SLC22A9: variants seen among roughly 807,000 people sequenced by gnomAD.
The protein encoded by SLC22A9 is solute carrier family 22 member 9.
SLC22A9 carries 64 observed loss-of-function variants against 50.1 expected under a neutral mutation model. The ratio of observed to expected loss-of-function variants is 1.28; its 90% CI spans 1.04 to 1.57. The LOEUF is 1.57. SLC22A9 is among the 40% of genes most tolerant of loss of function. The pLI, the probability that SLC22A9 is intolerant of heterozygous loss-of-function variation, is 0.00. For missense variants in SLC22A9, 757 were observed against 676.1 expected (o/e 1.12, Z -1.33); for synonymous variants, 261 against 242.5 (o/e 1.08, Z -0.71).
chr11:63,405,420 C>T lies in SLC22A9; in HGVS notation c.1074-1077C>T, dbSNP rs541731549. Among the ~76,000 whole-genome samples the T allele has an allele frequency of 3.9e-5, 6 of 152,252 alleles. No individual in the cohort carries two copies. The South Asian group carries it at 1.2e-3, about 32-fold the overall frequency. On this transcript the variant is annotated intron_variant, in intron 6 of 9. Coordinates refer to ENST00000279178, the MANE Select transcript of SLC22A9 (RefSeq NM_080866.3). ...GTAATCAAAATGAACGATGAGACAA[C>T]ATAAAATTGTAGGAATTCCCTCTAA... is the stretch of plus-strand genomic sequence containing the variant.
rs546469450 is a variant in SLC22A9 at position 63,395,016 on chromosome 11, T to G, written c.1074-11481T>G. Among the ~76,000 whole-genome samples, 3 of 152,084 alleles carry G rather than the reference T, an allele frequency of 2.0e-5. No homozygotes were observed. In the South Asian group the frequency reaches 6.2e-4, roughly 32 times the overall value. On this transcript the variant is annotated intron_variant, in intron 6 of 9. Transcript: ENST00000279178. ...CGAGCTCTGAATTTCTTTCTTCTGC[T>G]TGTTCAATTCTATTGCTGAGGCTTT...
chr11:63,385,532 G>A (rs780177350), intron 6 of SLC22A9, among the ~76,000 whole-genome samples: 4 of 151,888 alleles, frequency 2.6e-5, no homozygotes, highest in Non-Finnish European at 5.9e-5. Flanking sequence ...TGTATTCCTA[G>A]GTATTTTATT....
rs71065364 is a variant in SLC22A9 at position 63,386,434 on chromosome 11, C to CTTTTTTTTTTTTT, written c.1073+4179_1073+4191dup. On this transcript the variant is annotated intron_variant, in intron 6 of 9. Coordinates refer to ENST00000279178, the MANE Select transcript of SLC22A9 (RefSeq NM_080866.3). ...AGCTATAAATCCACGTGGACCTGGA[C>CTTTTTTTTTTTTT]TTTTTTTTTTTTTTTTTTTTTTTTT... Among the ~76,000 whole-genome samples the CTTTTTTTTTTTTT allele has an allele frequency of 1.9e-3, 62 of 33,504 alleles. 11 individuals carry two copies. Among genetic ancestry groups the CTTTTTTTTTTTTT allele is most frequent in the African/African-American group, 3.0e-3 (17 of 5,632 alleles). The allele number at this position is 33,504 out of a possible 152,430, so 22.0% of individuals were successfully genotyped here. A position where few individuals can be genotyped will look rare whatever the true frequency, so the allele number is the denominator to read the frequency against.
intron 6 of SLC22A9, among the ~76,000 whole-genome samples, chr11:63,387,886 G>T (rs548727647): frequency 3.3e-5 from 5 of 151,806 alleles, no homozygotes; most frequent in African/African-American, 1.2e-4. Context: ...TTAATTTCTA[G>T]GTATTTTATT....
At chr11:63,408,366 A>G in intron 8 of SLC22A9, 146 bp downstream of exon 8, 1 of 728,440 alleles carries the variant, frequency 1.4e-6, no homozygotes, top group Non-Finnish European at 2.3e-6. Context: ...GACCAACTTT[A>G]TCTCAAGCTG....
At chr11:63,376,818 G>A (rs930791764) in intron 5 of SLC22A9, among the ~76,000 whole-genome samples, 1 of 151,316 alleles carries the variant, frequency 6.6e-6, no homozygotes, top group Non-Finnish European at 1.5e-5. Flanking sequence ...CTCACATGCA[G>A]TGACACCTAT....
chr11:63,382,175 T>C lies in SLC22A9; in HGVS notation c.971T>C (p.Met324Thr), dbSNP rs201401563. The C allele has an allele frequency of 1.9e-6, 3 of 1,603,098 alleles. No homozygotes were observed. The highest frequency in any genetic ancestry group is 2.5e-6 in the Non-Finnish European group (3 of 1,176,762). Residue 324 changes from methionine to threonine, a missense_variant, in exon 6 of 10, where the codon ATG becomes ACG. Coordinates refer to ENST00000279178, the MANE Select transcript of SLC22A9 (RefSeq NM_080866.3). ...TLTLEILKST[M>T]KKELEAAQKK... Reference sequence around the variant, plus strand: ...TTGTTGAAGATTTTGAAATCCACCATGAAAAAAGAACTGGAGGCAGCACAA... The same window carrying C: ...TTGTTGAAGATTTTGAAATCCACCACGAAAAAAGAACTGGAGGCAGCACAA...
Position 63,370,100 on chromosome 11 carries a change from G to T in SLC22A9, c.44G>T (p.Arg15Ile). The change falls in exon 1 of 10, where the codon AGA (arginine) becomes ATA (isoleucine). Residue 15 changes from arginine (R) to isoleucine (I), a missense_variant. Physicochemically the swap from Arg to Ile is moderately conservative, Grantham distance 97 (BLOSUM62 -3). Coordinates refer to ENST00000279178, the MANE Select transcript of SLC22A9 (RefSeq NM_080866.3). Reference protein sequence around the residue: ...DLLGHAGDLWRFQILQTVFLS... With the variant: ...DLLGHAGDLWIFQILQTVFLS... ...CTGGGTCACGCTGGTGACCTGTGGA[G>T]ATTCCAGATCCTTCAGACTGTTTTT... is the stretch of plus-strand genomic sequence containing the variant. 6.2e-7 allele frequency: 1 copy of T among 1,613,934 alleles called. No individual in the cohort carries two copies. Among genetic ancestry groups the T allele is most frequent in the Non-Finnish European group, 8.5e-7 (1 of 1,179,858 alleles).
chr11:63,376,297 T>C (rs527703333), intron 5 of SLC22A9, among the ~76,000 whole-genome samples: 4 of 152,146 alleles, frequency 2.6e-5, no homozygotes, highest in Non-Finnish European at 5.9e-5. Context: ...AATCCCTATT[T>C]GTCTGGAGTT....
chr11:63,405,037 G>A (rs1053893102), intron 6 of SLC22A9, among the ~76,000 whole-genome samples: 1 of 152,054 alleles, frequency 6.6e-6, no homozygotes, highest in African/African-American at 2.4e-5. Context: ...AACTGGCTGA[G>A]AAACCAAAAT....
chr11:63,392,936 G>T (rs1299791304), intron 6 of SLC22A9, among the ~76,000 whole-genome samples: 1 of 152,022 alleles, frequency 6.6e-6, no homozygotes, highest in Non-Finnish European at 1.5e-5. Context: ...ATCCAGATTT[G>T]TTCTTTTTGC....
At chr11:63,379,919 A>G (rs1208646988) in intron 5 of SLC22A9, among the ~76,000 whole-genome samples, 2 of 152,108 alleles carry the variant, frequency 1.3e-5, no homozygotes. Flanking sequence ...TTTAGTACAG[A>G]TGGGGTTTCA....
intron 6 of SLC22A9, among the ~76,000 whole-genome samples, chr11:63,387,930 T>C (rs1278688791): frequency 6.6e-6 from 1 of 152,112 alleles, no homozygotes; most frequent in Admixed American, 6.6e-5. Context: ...GTTGACTTTC[T>C]TGGTCTTTTT....
chr11:63,385,933 T>G (rs1481626324), intron 6 of SLC22A9, among the ~76,000 whole-genome samples: 1 of 152,194 alleles, frequency 6.6e-6, no homozygotes, highest in African/African-American at 2.4e-5. Flanking sequence ...TGTGGGTCTG[T>G]CATAAATGGC....
At chr11:63,376,882 A>G (rs2014469544) in intron 5 of SLC22A9, among the ~76,000 whole-genome samples, 1 of 152,130 alleles carries the variant, frequency 6.6e-6, no homozygotes, top group South Asian at 2.1e-4. Flanking sequence ...GAAAACAAAA[A>G]AAGAGCAAGG....
rs924406651 is a variant in SLC22A9 at position 63,369,877 on chromosome 11, G to A, written c.-180G>A. 5 of 572,418 alleles carry A rather than the reference G, an allele frequency of 8.7e-6. No individual in the cohort carries two copies. Among genetic ancestry groups the A allele is most frequent in the Middle Eastern group, 4.6e-4 (1 of 2,154 alleles). 35.5% of individuals were successfully genotyped at this position (572,418 alleles called of 1,614,324 possible). A position where few individuals can be genotyped will look rare whatever the true frequency, so the allele number is the denominator to read the frequency against. Reference sequence around the variant, plus strand: ...ACGGCTACCTATCTGACCCCAAAACGACTTGAGGAAACTGTTTCCACGGTC... The same window carrying A: ...ACGGCTACCTATCTGACCCCAAAACAACTTGAGGAAACTGTTTCCACGGTC... On this transcript the variant is annotated 5_prime_UTR_variant, in exon 1 of 10. Coordinates refer to ENST00000279178, the MANE Select transcript of SLC22A9 (RefSeq NM_080866.3).
intron 5 of SLC22A9, among the ~76,000 whole-genome samples, chr11:63,377,243 T>C (rs1308668767): frequency 6.6e-6 from 1 of 152,016 alleles, no homozygotes; most frequent in Non-Finnish European, 1.5e-5. Context: ...CAGCAGAATA[T>C]ACGTTATTCT....
intron 6 of SLC22A9, among the ~76,000 whole-genome samples, chr11:63,394,936 CATTT>C (rs143091116): frequency 0.039 from 5,843 of 151,738 alleles, 397 homozygotes; most frequent in African/African-American, 0.13. Flanking sequence ...GTTCTTTTTT[CATTT>C]ATTTATTTTT....
intron 6 of SLC22A9, among the ~76,000 whole-genome samples, chr11:63,383,632 G>T (rs892058709): frequency 6.6e-6 from 1 of 152,148 alleles, no homozygotes; most frequent in Non-Finnish European, 1.5e-5. Context: ...TGAAGAAACA[G>T]AGAAACATGA....
Sources: allele counts gnomAD v4.1 joint callset (sites outside exome capture counted in the v4.1 genomes callset), GRCh38; gene constraint gnomAD v4.1.1; transcripts MANE v1.5; gene names NCBI Gene and HGNC (gene_info 2026-07-23, HGNC 2026-07-21).